GRIK2: variants seen among roughly 807,000 people sequenced by gnomAD.
GRIK2 encodes glutamate receptor ionotropic, kainate 2.
Under a neutral mutation model 100.3 loss-of-function variants are expected in GRIK2, and 32 were observed. The ratio of observed to expected loss-of-function variants is 0.32; its 90% CI spans 0.24 to 0.43. The LOEUF is 0.43. Among genes scored for constraint, GRIK2 ranks in the 20% least tolerant of loss-of-function variants. The pLI is 1.00. For missense variants in GRIK2, 843 were observed against 1,114.9 expected, an observed-to-expected ratio of 0.76 and a Z score of 3.47; for synonymous variants, 417 against 389.4, an observed-to-expected ratio of 1.07 and a Z score of -0.83.
chr6:101,405,012 T>C (rs1217775680), intron 2 of GRIK2, among the ~76,000 whole-genome samples: 1 of 152,178 alleles, frequency 6.6e-6, no homozygotes, highest in South Asian at 2.1e-4. Context: ...ACAGCGGTCA[T>C]GGGGCGATAA....
At chr6:102,044,244 A>G (rs893058222) in intron 15 of GRIK2, among the ~76,000 whole-genome samples, 2 of 151,990 alleles carry the variant, frequency 1.3e-5, no homozygotes, top group African/African-American at 4.8e-5. Context: ...ATCTTTTCAC[A>G]TTGTGTATCT....
chr6:101,744,643 A>G (rs1467224198), intron 7 of GRIK2: 1 of 144,328 alleles, frequency 6.9e-6, no homozygotes, highest in Non-Finnish European at 1.5e-5. Context: ...CAATGGCACG[A>G]TCTCAGCTCA....
intron 2 of GRIK2, among the ~76,000 whole-genome samples, chr6:101,435,916 T>C (rs1769689677): frequency 6.6e-6 from 1 of 152,160 alleles, no homozygotes; most frequent in African/African-American, 2.4e-5. Context: ...TACTCATTAC[T>C]TTTACACATG....
At chr6:101,699,823 G>C (rs1415282983) in intron 7 of GRIK2, among the ~76,000 whole-genome samples, 1 of 152,114 alleles carries the variant, frequency 6.6e-6, no homozygotes, top group African/African-American at 2.4e-5. Context: ...AAAGAAAAAA[G>C]TCACTAAATG....
intron 15 of GRIK2, 95 bp from the exon 16 acceptor site, chr6:102,055,234 AT>A (rs575470399): frequency 3.4e-6 from 3 of 885,386 alleles, no homozygotes; most frequent in Non-Finnish European, 5.2e-6. Context: ...ACTTTGAAGC[AT>A]TTTGAAAAAT....
At chr6:101,548,287 G>A (rs1346720660) in intron 2 of GRIK2, among the ~76,000 whole-genome samples, 2 of 152,110 alleles carry the variant, frequency 1.3e-5, no homozygotes, top group East Asian at 3.9e-4. Context: ...TCACTCTGAT[G>A]GTAGTTTCTT....
intron 14 of GRIK2, among the ~76,000 whole-genome samples, chr6:102,016,995 C>T (rs1198032452): frequency 1.9e-4 from 29 of 152,184 alleles, no homozygotes; most frequent in African/African-American, 2.4e-5. Context: ...GAAAAGAACT[C>T]CCAACCAAGA....
At chr6:101,502,774 T>C (rs554670113) in intron 2 of GRIK2, among the ~76,000 whole-genome samples, 1 of 152,304 alleles carries the variant, frequency 6.6e-6, no homozygotes, top group Non-Finnish European at 1.5e-5. Context: ...ATTACAGTTT[T>C]TCAATGGCAA....
intron 14 of GRIK2, among the ~76,000 whole-genome samples, chr6:102,011,916 T>C (rs1795565865): frequency 6.6e-6 from 1 of 152,134 alleles, no homozygotes; most frequent in Admixed American, 6.5e-5. Context: ...ATAATGCTTT[T>C]GGTGTTATAT....
At chr6:101,829,119 A>C (rs929688652) in intron 10 of GRIK2, among the ~76,000 whole-genome samples, 8 of 152,122 alleles carry the variant, frequency 5.3e-5, no homozygotes, top group Non-Finnish European at 7.4e-5. Flanking sequence ...TATGCAAATA[A>C]ATAAATGTGA....
At chr6:101,538,941 G>T (rs1269458854) in intron 2 of GRIK2, among the ~76,000 whole-genome samples, 1 of 151,440 alleles carries the variant, frequency 6.6e-6, no homozygotes, top group African/African-American at 2.4e-5. Flanking sequence ...TTGCTAACTT[G>T]TTGATAAATG....
intron 7 of GRIK2, among the ~76,000 whole-genome samples, chr6:101,713,190 T>G (rs1475218006): frequency 6.6e-6 from 1 of 151,800 alleles, no homozygotes; most frequent in Non-Finnish European, 1.5e-5. Context: ...AACCATTTAT[T>G]ATTTTAAAAA....
intron 12 of GRIK2, among the ~76,000 whole-genome samples, chr6:101,909,914 T>C (rs1788552010): frequency 6.6e-6 from 1 of 151,130 alleles, no homozygotes; most frequent in Non-Finnish European, 1.5e-5. Context: ...TGTAAAATAA[T>C]ATAATGCAGC....
intron 2 of GRIK2, among the ~76,000 whole-genome samples, chr6:101,499,198 G>T (rs899798401): frequency 2.0e-5 from 3 of 152,054 alleles, no homozygotes. Context: ...CTGTAAGATA[G>T]GTGTGTTCAC....
intron 2 of GRIK2, among the ~76,000 whole-genome samples, chr6:101,560,983 C>T (rs540874687): frequency 6.6e-6 from 1 of 152,148 alleles, no homozygotes; most frequent in East Asian, 1.9e-4. Flanking sequence ...CTTGGTTATA[C>T]ATGCCTTTAT....
intron 2 of GRIK2, among the ~76,000 whole-genome samples, chr6:101,590,066 A>G (rs1465876703): frequency 6.6e-6 from 1 of 152,138 alleles, no homozygotes; most frequent in Non-Finnish European, 1.5e-5. Flanking sequence ...CTCAGGATAC[A>G]TTTAGGCATA....
chr6:101,488,852 A>C (rs532365898), intron 2 of GRIK2, among the ~76,000 whole-genome samples: 1 of 146,534 alleles, frequency 6.8e-6, no homozygotes, highest in South Asian at 2.2e-4. Flanking sequence ...ACAGGGGATG[A>C]ATGTACAAAA....
At chr6:101,766,722 G>A (rs921562724) in intron 7 of GRIK2, among the ~76,000 whole-genome samples, 1 of 152,158 alleles carries the variant, frequency 6.6e-6, no homozygotes, top group Admixed American at 6.5e-5. Context: ...TGTTCCAAAT[G>A]AGCCCCATTC....
At chr6:101,947,018 C>T (rs779181712) in intron 14 of GRIK2, among the ~76,000 whole-genome samples, 3 of 151,912 alleles carry the variant, frequency 2.0e-5, no homozygotes, top group East Asian at 1.9e-4. Flanking sequence ...GTAATATTAG[C>T]AAGAAACTTT....
Sources: gnomAD v4.1 joint callset for allele counts (sites outside exome capture counted in the v4.1 genomes callset) on GRCh38, gnomAD v4.1.1 for gene constraint, MANE v1.5 for transcripts, NCBI Gene and HGNC (gene_info 2026-07-23, HGNC 2026-07-21) for gene names.